The following MYRIP variants were observed in gnomAD, a reference collection of about 807,000 sequenced individuals.
The protein encoded by MYRIP is rab effector MyRIP.
In MYRIP, 49 loss-of-function variants were observed where a neutral mutation model predicts 98.0. That is an observed-to-expected ratio of 0.50 (90% CI 0.40 to 0.63). The LOEUF is 0.63. Among genes scored for constraint, MYRIP ranks in the 30% least tolerant of loss-of-function variants. The pLI is 0.00. For missense variants in MYRIP, 1,004 were observed against 1,058.2 expected, an observed-to-expected ratio of 0.95 and a Z score of 0.71; for synonymous variants, 404 against 409.5, an observed-to-expected ratio of 0.99 and a Z score of 0.16.
intron 3 of MYRIP, among the ~76,000 whole-genome samples, chr3:40,115,876 G>A (rs1457345390): frequency 6.6e-6 from 1 of 151,798 alleles, no homozygotes; most frequent in South Asian, 2.1e-4. Context: ...CTCCAAGTGG[G>A]CTTCCGTAAG....
chr3:40,001,803 G>A (rs1293343386), intron 2 of MYRIP, among the ~76,000 whole-genome samples: 1 of 152,184 alleles, frequency 6.6e-6, no homozygotes, highest in Non-Finnish European at 1.5e-5. Flanking sequence ...AGAGATGATG[G>A]CAGCTTGAAC....
intron 2 of MYRIP, among the ~76,000 whole-genome samples, chr3:40,035,409 T>C (rs908871123): frequency 3.9e-5 from 6 of 151,956 alleles, no homozygotes; most frequent in African/African-American, 1.4e-4. Flanking sequence ...CATGAATGAT[T>C]TGCACTGAAA....
chr3:40,170,376 A>T (rs967938806), intron 8 of MYRIP, among the ~76,000 whole-genome samples: 3 of 152,106 alleles, frequency 2.0e-5, no homozygotes, highest in Non-Finnish European at 2.9e-5. Context: ...TTTCATTCTG[A>T]AAAGAATTAT....
chr3:40,069,441 A>G (rs2125857135), intron 3 of MYRIP, among the ~76,000 whole-genome samples: 1 of 151,792 alleles, frequency 6.6e-6, no homozygotes, highest in Admixed American at 6.6e-5. Context: ...TATACATAAC[A>G]TAGAACTGAA....
chr3:39,976,999 A>T (rs1029172844), intron 2 of MYRIP, among the ~76,000 whole-genome samples: 3 of 152,192 alleles, frequency 2.0e-5, no homozygotes, highest in Non-Finnish European at 4.4e-5. Flanking sequence ...TACATATGTA[A>T]CTAACCTGCA....
At chr3:39,900,733 T>C in intron 1 of MYRIP, 54 bp from the exon 2 acceptor site, 1 of 933,086 alleles carries the variant, frequency 1.1e-6, no homozygotes, top group African/African-American at 1.6e-5. Context: ...ACAAAATAGG[T>C]TGATTTTGTC....
intron 2 of MYRIP, among the ~76,000 whole-genome samples, chr3:39,932,383 C>T (rs556480120): frequency 2.2e-4 from 33 of 151,218 alleles, no homozygotes; most frequent in East Asian, 3.9e-4. Context: ...TTTTTTGGAA[C>T]GGAGTCTCAC....
chr3:39,988,280 T>A (rs1460097568), intron 2 of MYRIP, among the ~76,000 whole-genome samples: 1 of 151,724 alleles, frequency 6.6e-6, no homozygotes, highest in African/African-American at 2.4e-5. Context: ...CTGCACATTG[T>A]GCACATGTAC....
intron 1 of MYRIP, among the ~76,000 whole-genome samples, chr3:39,883,715 A>C (rs1943214900): frequency 6.6e-6 from 1 of 152,052 alleles, no homozygotes; most frequent in African/African-American, 2.4e-5. Flanking sequence ...TGGCAGATTT[A>C]ATATACATGA....
At chr3:40,230,767 A>G (rs1244280283) in intron 11 of MYRIP, among the ~76,000 whole-genome samples, 4 of 151,862 alleles carry the variant, frequency 2.6e-5, no homozygotes, top group Non-Finnish European at 1.5e-5. Flanking sequence ...GGGGACATCA[A>G]CCAATGAAGA....
intron 1 of MYRIP, among the ~76,000 whole-genome samples, chr3:39,851,353 A>G (rs1942123776): frequency 6.6e-6 from 1 of 152,142 alleles, no homozygotes; most frequent in South Asian, 2.1e-4. Context: ...CTCCTGGGAG[A>G]CACTATAGTT....
At chr3:40,046,148 G>T (rs544965644) in intron 3 of MYRIP, among the ~76,000 whole-genome samples, 32 of 152,216 alleles carry the variant, frequency 2.1e-4, no homozygotes, top group African/African-American at 7.0e-4. Context: ...TGGAGGTGAA[G>T]AATTGAGCCA....
intron 2 of MYRIP, among the ~76,000 whole-genome samples, chr3:39,901,784 TTTC>T (rs1943748834): frequency 6.6e-6 from 1 of 152,156 alleles, no homozygotes; most frequent in Admixed American, 6.6e-5. Context: ...TATTAATAGA[TTTC>T]TTGTCTTTCA....
At chr3:40,132,731 C>G (rs1205814897) in intron 3 of MYRIP, among the ~76,000 whole-genome samples, 1 of 152,250 alleles carries the variant, frequency 6.6e-6, no homozygotes, top group East Asian at 1.9e-4. Flanking sequence ...TGCCCCTTTA[C>G]CAGCTTTCCT....
chr3:40,130,965 G>A (rs1214393862), intron 3 of MYRIP, among the ~76,000 whole-genome samples: 1 of 152,096 alleles, frequency 6.6e-6, no homozygotes, highest in Admixed American at 6.5e-5. Flanking sequence ...CTTGGTCTTA[G>A]TCACCTTCAT....
intron 3 of MYRIP, among the ~76,000 whole-genome samples, chr3:40,093,314 G>A (rs1329040701): frequency 7.2e-5 from 11 of 152,120 alleles, no homozygotes. Flanking sequence ...AATTTATATA[G>A]CATTTTTACT....
chr3:40,184,458 A>G lies in MYRIP; in HGVS notation c.1027+2085A>G, dbSNP rs537689191. 1.3e-5 allele frequency among the ~76,000 whole-genome samples: 2 copies of G among 152,352 alleles called. 1 individual carries two copies. Among genetic ancestry groups the G allele is most frequent in the South Asian group, 4.1e-4 (2 of 4,828 alleles). On this transcript the variant is annotated intron_variant, in intron 9 of 16. Coordinates refer to ENST00000302541, the MANE Select transcript of MYRIP (RefSeq NM_015460.4). ...ATTATTTTGTTTTGCAGATAAGAAC[A>G]TTGATGGACAGGGAAGTTAAGTGAC...
chr3:39,849,312 T>C (rs910537964), intron 1 of MYRIP, among the ~76,000 whole-genome samples: 1 of 152,190 alleles, frequency 6.6e-6, no homozygotes, highest in African/African-American at 2.4e-5. Flanking sequence ...TAGTCTGAAG[T>C]TGGATACAAA....
chr3:39,823,351 A>G (rs1252237456), intron 1 of MYRIP, among the ~76,000 whole-genome samples: 2 of 152,146 alleles, frequency 1.3e-5, no homozygotes, highest in Non-Finnish European at 2.9e-5. Context: ...TCTCTTTTGA[A>G]TAAATGCCCA....
Sources: allele counts gnomAD v4.1 joint callset (sites outside exome capture counted in the v4.1 genomes callset), GRCh38; gene constraint gnomAD v4.1.1; transcripts MANE v1.5; gene names NCBI Gene and HGNC (gene_info 2026-07-23, HGNC 2026-07-21).